Variants in PARD3B observed in about 807,000 individuals in gnomAD.
PARD3B encodes the protein partitioning defective 3 homolog B.
Under a neutral mutation model 130.2 loss-of-function variants are expected in PARD3B, and 103 were observed. That is an observed-to-expected ratio of 0.79 (90% CI 0.67 to 0.93). The LOEUF (loss-of-function observed/expected upper bound fraction) is 0.93. Among genes scored for constraint, PARD3B ranks in the 40% least tolerant of loss-of-function variants. PARD3B has a pLI of 0.00. For missense variants in PARD3B, 1,609 were observed against 1,499.2 expected (o/e 1.07, Z -1.21); for synonymous variants, 583 against 553.2 (o/e 1.05, Z -0.76).
chr2:205,289,293 A>G (rs2041514191), intron 16 of PARD3B, among the ~76,000 whole-genome samples: 1 of 152,156 alleles, frequency 6.6e-6, no homozygotes, highest in South Asian at 2.1e-4. Flanking sequence ...TGAATAGGGA[A>G]GCAGAAATCC....
At chr2:204,921,558 A>G (rs2047682001) in intron 2 of PARD3B, among the ~76,000 whole-genome samples, 1 of 152,144 alleles carries the variant, frequency 6.6e-6, no homozygotes, top group African/African-American at 2.4e-5. Context: ...GAAAGGAATA[A>G]AAGCAAAATT....
chr2:205,430,051 A>G (rs765632875), intron 19 of PARD3B, among the ~76,000 whole-genome samples: 1 of 152,220 alleles, frequency 6.6e-6, no homozygotes, highest in Non-Finnish European at 1.5e-5. Flanking sequence ...TGGATAATCC[A>G]AGATAATCTC....
At chr2:205,404,983 C>A (rs75211699) in intron 19 of PARD3B, among the ~76,000 whole-genome samples, 3,869 of 152,258 alleles carry the variant, frequency 0.025, 152 homozygotes, top group African/African-American at 0.087. Context: ...ATTTTATATT[C>A]TCTCTCCCCA....
intron 3 of PARD3B, among the ~76,000 whole-genome samples, chr2:205,029,015 G>T (rs1281210049): frequency 1.3e-5 from 2 of 152,022 alleles, no homozygotes; most frequent in Admixed American, 6.6e-5. Context: ...AATAGAAATG[G>T]CAAGAAACAA....
intron 18 of PARD3B, among the ~76,000 whole-genome samples, chr2:205,371,277 A>G (rs1174169060): frequency 6.6e-6 from 1 of 152,204 alleles, no homozygotes; most frequent in Non-Finnish European, 1.5e-5. Flanking sequence ...TCAGCCTGAC[A>G]TTGAGAATCT....
At chr2:205,305,993 C>T (rs1484064304) in intron 18 of PARD3B, among the ~76,000 whole-genome samples, 2 of 152,138 alleles carry the variant, frequency 1.3e-5, no homozygotes, top group Non-Finnish European at 1.5e-5. Context: ...CTGACCTGAA[C>T]ATAAGGTGAT....
chr2:205,254,911 G>C (rs932441795), intron 16 of PARD3B, among the ~76,000 whole-genome samples: 1 of 151,670 alleles, frequency 6.6e-6, no homozygotes, highest in Non-Finnish European at 1.5e-5. Context: ...TGATCCGCCC[G>C]CCTCGGCCTC....
intron 1 of PARD3B, among the ~76,000 whole-genome samples, chr2:204,616,590 G>A (rs565927515): frequency 1.1e-4 from 16 of 152,258 alleles, no homozygotes; most frequent in African/African-American, 3.8e-4. Flanking sequence ...TACCCTGACT[G>A]TATGATCCAG....
At position 204,887,098 on chromosome 2, in the gene PARD3B, A is replaced by G. The variant is rs2046294403; in HGVS notation, c.223-78054A>G. On this transcript the variant is annotated intron_variant, in intron 2 of 22. Coordinates refer to ENST00000406610, the MANE Select transcript of PARD3B (RefSeq NM_001302769.2). The surrounding 1 kb of genome is among the most constrained non-coding windows in gnomAD (Gnocchi z 4.2). Reference sequence around the variant, plus strand: ...TAGTTCCATCTGTTCAAGAATAGGTAAACTGAATCTCTTTGGTTCCTTTGT... The same window carrying G: ...TAGTTCCATCTGTTCAAGAATAGGTGAACTGAATCTCTTTGGTTCCTTTGT... 6.6e-6 allele frequency among the ~76,000 whole-genome samples: 1 copy of G among 152,182 alleles called. No homozygotes were observed. Among genetic ancestry groups the G allele is most frequent in the South Asian group, 2.1e-4 (1 of 4,832 alleles).
rs75239618 is a variant in PARD3B, at chr2:204,985,024, G to A, written c.394+19701G>A. ...AAATCTTCTCTACCACGTTTGGCAC[G>A]TCTAATAATGATTATAGGCATTGCT... On this transcript the variant is annotated intron_variant, in intron 3 of 22. Transcript: ENST00000406610. Among the ~76,000 whole-genome samples, 1,078 of 151,342 alleles carry A rather than the reference G, an allele frequency of 7.1e-3. 18 individuals carry two copies. The highest frequency in any genetic ancestry group is 0.024 in the African/African-American group (1,009 of 41,228).
At chr2:204,938,691 C>T (rs749844850) in intron 2 of PARD3B, among the ~76,000 whole-genome samples, 1 of 152,178 alleles carries the variant, frequency 6.6e-6, no homozygotes, top group Non-Finnish European at 1.5e-5. Flanking sequence ...TCACCCTAGA[C>T]AAATTGAAGC....
chr2:205,225,885 G>A (rs1365117353), intron 15 of PARD3B, among the ~76,000 whole-genome samples: 1 of 152,190 alleles, frequency 6.6e-6, no homozygotes, highest in South Asian at 2.1e-4. Flanking sequence ...TGAGATGTGG[G>A]TGGAGACACA....
chr2:205,571,457 G>A (rs2216113), intron 22 of PARD3B, among the ~76,000 whole-genome samples: 21,647 of 152,210 alleles, frequency 0.14, 1,799 homozygotes, highest in East Asian at 0.29. Context: ...GGGTCAAGCC[G>A]TCAGGCCACG....
rs927380156 is a variant in PARD3B, at chr2:204,942,570, T to A, written c.223-22582T>A. ...AGAGGAAAACCTCTTTCCACAAATTTGGACATCGTAACAAAGCTTTAACTT... is the reference window on the plus strand; with the variant it reads ...AGAGGAAAACCTCTTTCCACAAATTAGGACATCGTAACAAAGCTTTAACTT... On this transcript the variant is annotated intron_variant, in intron 2 of 22. Coordinates refer to ENST00000406610, the MANE Select transcript of PARD3B (RefSeq NM_001302769.2). Among the ~76,000 whole-genome samples the A allele has an allele frequency of 4.6e-5, 7 of 152,068 alleles. No homozygotes were observed. The East Asian group carries it at 1.4e-3, about 29-fold the overall frequency.
chr2:204,928,799 TCTCTC>T (rs1291142034), intron 2 of PARD3B, among the ~76,000 whole-genome samples: 1 of 152,088 alleles, frequency 6.6e-6, no homozygotes, highest in Non-Finnish European at 1.5e-5. Flanking sequence ...CTTTTGAATC[TCTCTC>T]CTGCCTTAAT....
In PARD3B at chr2:205,119,014, C is replaced by A. The variant is rs2030294383; in HGVS notation, c.774C>A (p.Asn258Lys). 2 of 1,608,360 alleles carry A rather than the reference C, an allele frequency of 1.2e-6. No homozygotes were observed. Among genetic ancestry groups the A allele is most frequent in the Non-Finnish European group, 1.7e-6 (2 of 1,177,978 alleles). ...FHENECIVKI[N>K]NVDLVDKTFA... Reference sequence around the variant, plus strand: ...AAAATGAATGTATTGTAAAAATCAACAATGTGGATCTCGTAGACAAAACCT... The same window carrying A: ...AAAATGAATGTATTGTAAAAATCAAAAATGTGGATCTCGTAGACAAAACCT... The change falls in exon 7 of 23, where the codon AAC becomes AAA. Residue 258 changes from asparagine to lysine, a missense_variant. Asn to Lys is a moderately conservative substitution (Grantham distance 94). Transcript: ENST00000406610.
At chr2:205,275,752 G>A (rs1351130732) in intron 16 of PARD3B, among the ~76,000 whole-genome samples, 2 of 146,670 alleles carry the variant, frequency 1.4e-5, no homozygotes, top group African/African-American at 2.6e-5. Flanking sequence ...CAAGAGAATC[G>A]CTTGAACCTG....
At chr2:205,424,301 A>T (rs1297023727) in intron 19 of PARD3B, among the ~76,000 whole-genome samples, 2 of 152,140 alleles carry the variant, frequency 1.3e-5, no homozygotes, top group Non-Finnish European at 2.9e-5. Flanking sequence ...TCCCTGTCCT[A>T]GGTATAGTCA....
intron 20 of PARD3B, among the ~76,000 whole-genome samples, chr2:205,491,546 C>A (rs1248387985): frequency 6.6e-6 from 1 of 152,136 alleles, no homozygotes; most frequent in Non-Finnish European, 1.5e-5. Context: ...TAGTGTGATG[C>A]CTCCAGCTTT....
Sources: gnomAD v4.1 joint callset for allele counts (sites outside exome capture counted in the v4.1 genomes callset) on GRCh38, gnomAD v4.1.1 for gene constraint, Gnocchi (gnomAD v3.1) non-coding constraint, MANE v1.5 for transcripts, NCBI Gene and HGNC (gene_info 2026-07-23, HGNC 2026-07-21) for gene names.